The following EEFSEC variants were observed in gnomAD, a reference collection of about 807,000 sequenced individuals.
EEFSEC encodes the protein eukaryotic elongation factor, selenocysteine-tRNA specific.
EEFSEC carries 43 observed loss-of-function variants against 42.1 expected under a neutral mutation model. The observed-to-expected ratio is 1.02, with a 90% CI of 0.80 to 1.32. EEFSEC has a LOEUF of 1.32. Among genes scored for constraint, EEFSEC ranks in the 40% most tolerant of loss-of-function variants. EEFSEC has a pLI of 0.00. For missense variants in EEFSEC, 745 were observed against 803.6 expected, an observed-to-expected ratio of 0.93 and a Z score of 0.88; for synonymous variants, 354 against 339.1, an observed-to-expected ratio of 1.04 and a Z score of -0.48.
intron 6 of EEFSEC, among the ~76,000 whole-genome samples, chr3:128,383,593 C>T (rs576876734): frequency 6.6e-6 from 1 of 152,252 alleles, no homozygotes; most frequent in South Asian, 2.1e-4. Context: ...AGCCTGAGCT[C>T]CTGGCTGTGT....
intron 6 of EEFSEC, among the ~76,000 whole-genome samples, chr3:128,358,633 A>G (rs1003305628): frequency 6.6e-6 from 1 of 151,904 alleles, no homozygotes; most frequent in African/African-American, 2.4e-5. Flanking sequence ...ACCATTTACC[A>G]TCTGAGGGGG....
intron 6 of EEFSEC, among the ~76,000 whole-genome samples, chr3:128,359,621 C>A (rs1047743758): frequency 6.6e-6 from 1 of 152,184 alleles, no homozygotes; most frequent in Admixed American, 6.5e-5. Context: ...TTTCATAATA[C>A]AGTAAAAATT....
chr3:128,159,717 A>G (rs2107758630), intron 1 of EEFSEC, among the ~76,000 whole-genome samples: 1 of 152,092 alleles, frequency 6.6e-6, no homozygotes, highest in African/African-American at 2.4e-5. Context: ...CCCTCAGGAC[A>G]TTTGCACCTG....
At chr3:128,385,924 G>A (rs906318941) in intron 6 of EEFSEC, among the ~76,000 whole-genome samples, 1 of 152,218 alleles carries the variant, frequency 6.6e-6, no homozygotes, top group Non-Finnish European at 1.5e-5. Flanking sequence ...TCCCCAAGTG[G>A]GCTGCTCACA....
rs148080435 is a variant in EEFSEC at position 128,379,921 on chromosome 3, T to G, written c.1600+21548T>G. 3.2e-4 allele frequency among the ~76,000 whole-genome samples: 48 copies of G among 152,358 alleles called. No homozygotes were observed. The East Asian group carries it at 9.2e-3, about 29-fold the overall frequency. On this transcript the variant is annotated intron_variant, in intron 6 of 6. Transcript: ENST00000254730. Reference sequence around the variant, plus strand: ...CCAAGAATGAGTCATGTGGCCAGCCTCTCTGGGCCCACACATGCTCCACCT... The same window carrying G: ...CCAAGAATGAGTCATGTGGCCAGCCGCTCTGGGCCCACACATGCTCCACCT...
intron 6 of EEFSEC, among the ~76,000 whole-genome samples, chr3:128,380,410 G>A (rs2067760888): frequency 6.6e-6 from 1 of 152,152 alleles, no homozygotes; most frequent in African/African-American, 2.4e-5. Flanking sequence ...TGAACTTTTT[G>A]TCACATCCTT....
chr3:128,265,951 C>T (rs2811541), intron 4 of EEFSEC, among the ~76,000 whole-genome samples: 127,812 of 152,186 alleles, frequency 0.84, 54,143 homozygotes, highest in East Asian at 0.99. Context: ...TAAATAGATA[C>T]GTTTTTTAAG....
At chr3:128,319,297 C>T (rs1043614860) in intron 4 of EEFSEC, among the ~76,000 whole-genome samples, 1 of 152,174 alleles carries the variant, frequency 6.6e-6, no homozygotes, top group South Asian at 2.1e-4. Context: ...TTCAGAGGCT[C>T]TCCTGTAATC....
At chr3:128,161,197 TC>T (rs1289706416) in intron 1 of EEFSEC, among the ~76,000 whole-genome samples, 50 of 152,340 alleles carry the variant, frequency 3.3e-4, no homozygotes, top group Admixed American at 2.9e-3. Flanking sequence ...GCAGTATTTT[TC>T]TTGAATCCAT....
chr3:128,219,472 C>T (rs1029763815), intron 1 of EEFSEC, among the ~76,000 whole-genome samples: 4 of 152,162 alleles, frequency 2.6e-5, no homozygotes, highest in Non-Finnish European at 5.9e-5. Context: ...TCCTTCTCCC[C>T]CTCAGACCTG....
intron 4 of EEFSEC, among the ~76,000 whole-genome samples, chr3:128,323,064 A>C (rs1012249198): frequency 1.3e-5 from 2 of 152,190 alleles, no homozygotes; most frequent in Non-Finnish European, 2.9e-5. Context: ...AAGATATTTA[A>C]TATTGACACC....
At chr3:128,230,281 G>A (rs940667079) in intron 1 of EEFSEC, among the ~76,000 whole-genome samples, 2 of 152,120 alleles carry the variant, frequency 1.3e-5, no homozygotes, top group Non-Finnish European at 2.9e-5. Flanking sequence ...GAGTAGCCAG[G>A]ACTACAGGCA....
intron 4 of EEFSEC, among the ~76,000 whole-genome samples, chr3:128,310,165 G>A (rs6805582): frequency 0.17 from 26,471 of 152,164 alleles, 3,050 homozygotes; most frequent in African/African-American, 0.33. Context: ...GACCATCTGA[G>A]GCACTGCCAA....
intron 1 of EEFSEC, among the ~76,000 whole-genome samples, chr3:128,155,769 T>G (rs988281797): frequency 2.0e-5 from 3 of 152,226 alleles, no homozygotes; most frequent in Non-Finnish European, 1.5e-5. Flanking sequence ...GTACTTCATC[T>G]TTGTTACCTC....
intron 4 of EEFSEC, among the ~76,000 whole-genome samples, chr3:128,334,401 AC>A (rs906888188): frequency 6.6e-6 from 1 of 152,152 alleles, no homozygotes; most frequent in African/African-American, 2.4e-5. Context: ...CAGCACCCTG[AC>A]TGGCTGAGCC....
intron 4 of EEFSEC, among the ~76,000 whole-genome samples, chr3:128,311,521 C>A (rs1297478827): frequency 6.6e-6 from 1 of 152,246 alleles, no homozygotes; most frequent in Non-Finnish European, 1.5e-5. Flanking sequence ...GGCACAGCTC[C>A]AAACTTGAAG....
chr3:128,349,493 G>A (rs1675927045), intron 5 of EEFSEC, among the ~76,000 whole-genome samples: 1 of 152,190 alleles, frequency 6.6e-6, no homozygotes, highest in South Asian at 2.1e-4. Context: ...AGGACTGTGT[G>A]AACATGAAGG....
chr3:128,384,942 C>T (rs2107617849), intron 6 of EEFSEC, among the ~76,000 whole-genome samples: 1 of 152,274 alleles, frequency 6.6e-6, no homozygotes, highest in East Asian at 1.9e-4. Context: ...CCCCAGTTGC[C>T]CCCTGCTATC....
chr3:128,343,043 A>G (rs577453252), intron 5 of EEFSEC, among the ~76,000 whole-genome samples: 2 of 152,304 alleles, frequency 1.3e-5, no homozygotes, highest in Admixed American at 6.5e-5. Context: ...TGGCAACCCC[A>G]CTGTCGGGGG....
Sources: gnomAD v4.1 joint callset for allele counts (sites outside exome capture counted in the v4.1 genomes callset) on GRCh38, gnomAD v4.1.1 for gene constraint, MANE v1.5 for transcripts, NCBI Gene and HGNC (gene_info 2026-07-23, HGNC 2026-07-21) for gene names.